Variants in STIM2 observed in about 807,000 individuals in gnomAD.
STIM2 encodes the protein stromal interaction molecule 2.
Under a neutral mutation model 85.8 loss-of-function variants are expected in STIM2, and 31 were observed. The ratio of observed to expected loss-of-function variants is 0.36; its 90% CI spans 0.27 to 0.49. The LOEUF (loss-of-function observed/expected upper bound fraction) is 0.49. STIM2 is among the 20% of genes least tolerant of loss of function. STIM2 has a pLI of 0.98. For missense variants in STIM2, 841 were observed against 927.6 expected, an observed-to-expected ratio of 0.91 and a Z score of 1.21; for synonymous variants, 356 against 331.1, an observed-to-expected ratio of 1.08 and a Z score of -0.82.
At chr4:26,919,934 C>A (rs1724735893) in intron 2 of STIM2, among the ~76,000 whole-genome samples, 1 of 152,144 alleles carries the variant, frequency 6.6e-6, no homozygotes, top group East Asian at 1.9e-4. Context: ...TTACAAACCA[C>A]TCCAAATGTA....
intron 3 of STIM2, among the ~76,000 whole-genome samples, chr4:26,967,504 A>T (rs1429508007): frequency 6.6e-6 from 1 of 152,222 alleles, no homozygotes; most frequent in East Asian, 1.9e-4. Context: ...GTAATATAGT[A>T]GGGCGCATAG....
intron 1 of STIM2, among the ~76,000 whole-genome samples, chr4:26,898,432 C>T (rs1486788953): frequency 6.6e-6 from 1 of 152,162 alleles, no homozygotes; most frequent in African/African-American, 2.4e-5. Context: ...ATTGTCAACT[C>T]CATTCCTCCA....
intron 11 of STIM2, chr4:27,021,658 A>G (rs1380686532): frequency 2.2e-6 from 1 of 456,682 alleles, no homozygotes; most frequent in South Asian, 1.5e-5. Flanking sequence ...AATCACTTTA[A>G]TGGCTGTGTA....
In STIM2 at chr4:26,994,641, T is replaced by C. The variant is rs577797627; in HGVS notation, c.398-738T>C. On this transcript the variant is annotated intron_variant, in intron 3 of 11. Coordinates refer to ENST00000467087, the MANE Select transcript of STIM2 (RefSeq NM_020860.4). ...CTTCTTTTTATTGAAATTAGAAAACTGTCCAGAGTTCTTGAAAGCCTTTCA... is the reference window on the plus strand; with the variant it reads ...CTTCTTTTTATTGAAATTAGAAAACCGTCCAGAGTTCTTGAAAGCCTTTCA... Among the ~76,000 whole-genome samples the C allele has an allele frequency of 9.2e-5, 14 of 152,262 alleles. 1 individual carries two copies. In the East Asian group the frequency reaches 2.7e-3, roughly 29 times the overall value.
At chr4:26,979,670 C>T (rs913577146) in intron 3 of STIM2, among the ~76,000 whole-genome samples, 1 of 152,052 alleles carries the variant, frequency 6.6e-6, no homozygotes, top group Admixed American at 6.5e-5. Context: ...CATATAAAGG[C>T]ATCCAGATAA....
rs147417071 is a variant in STIM2, at chr4:26,887,804, ATAAT to A, written c.151+26441_151+26444del. On this transcript the variant is annotated intron_variant, in intron 1 of 11. Coordinates refer to ENST00000467087, the MANE Select transcript of STIM2 (RefSeq NM_020860.4). The stretch of plus-strand genomic sequence containing the variant: ...AAAATACTCAAAGATGTAACTTAAA[ATAAT>A]TAATTGTTTTATACATGTATCTACA... 5.8e-3 allele frequency among the ~76,000 whole-genome samples: 887 copies of A among 152,328 alleles called. 18 individuals carry two copies. The highest frequency in any genetic ancestry group is 0.02 in the African/African-American group (850 of 41,562).
chr4:26,992,511 T>G (rs1485557958), intron 3 of STIM2, among the ~76,000 whole-genome samples: 1 of 151,886 alleles, frequency 6.6e-6, no homozygotes, highest in Non-Finnish European at 1.5e-5. Context: ...CTATGCAACA[T>G]AGCAAGACCC....
At chr4:27,014,625 G>T (rs1293351721) in intron 10 of STIM2, among the ~76,000 whole-genome samples, 1 of 151,624 alleles carries the variant, frequency 6.6e-6, no homozygotes, top group East Asian at 1.9e-4. Context: ...TATTTTAATG[G>T]TTCTGTCTAT....
chr4:26,866,840 G>A lies in STIM2; in HGVS notation c.151+5471G>A, dbSNP rs187056608. Among the ~76,000 whole-genome samples the A allele has an allele frequency of 2.7e-4, 41 of 152,266 alleles. 1 individual carries two copies. Among genetic ancestry groups the A allele is most frequent in the Admixed American group, 2.5e-3 (38 of 15,294 alleles). On this transcript the variant is annotated intron_variant, in intron 1 of 11. Coordinates refer to ENST00000467087, the MANE Select transcript of STIM2 (RefSeq NM_020860.4). ...TATTTGAAGGTTTCTAAATATGCAC[G>A]TTAGGGAAAATGTACATATATTTTA...
intron 2 of STIM2, among the ~76,000 whole-genome samples, chr4:26,935,026 G>T (rs1725344922): frequency 6.6e-6 from 1 of 150,706 alleles, no homozygotes; most frequent in Admixed American, 6.6e-5. Context: ...GATAAGGGAA[G>T]ACATGATTAA....
chr4:26,899,622 C>T (rs574948002), intron 1 of STIM2, among the ~76,000 whole-genome samples: 111 of 152,188 alleles, frequency 7.3e-4, no homozygotes, highest in South Asian at 7.0e-3. Context: ...TCTTTGATGA[C>T]AGAGCTGATA....
intron 2 of STIM2, among the ~76,000 whole-genome samples, chr4:26,933,227 A>AT (rs1231902459): frequency 6.6e-6 from 1 of 151,988 alleles, no homozygotes; most frequent in African/African-American, 2.4e-5. Context: ...GGAATTCTTC[A>AT]TTTTTTCATA....
chr4:27,016,297 C>G (rs189610004), intron 10 of STIM2, among the ~76,000 whole-genome samples: 1 of 152,244 alleles, frequency 6.6e-6, no homozygotes, highest in African/African-American at 2.4e-5. Context: ...TCAATTGTTA[C>G]AGCAGTTTCT....
chr4:26,873,934 G>A, intron 1 of STIM2: 1 of 1,351,208 alleles, frequency 7.4e-7, no homozygotes, highest in Non-Finnish European at 1.0e-6. Flanking sequence ...CAGACAGCTG[G>A]GTGCTCTTCT....
intron 1 of STIM2, among the ~76,000 whole-genome samples, chr4:26,891,569 AC>A: frequency 6.9e-6 from 1 of 143,982 alleles, no homozygotes; most frequent in African/African-American, 2.8e-5. Flanking sequence ...ACACACACAC[AC>A]ACACACACAC....
At chr4:26,879,116 T>A (rs1722913050) in intron 1 of STIM2, among the ~76,000 whole-genome samples, 1 of 152,016 alleles carries the variant, frequency 6.6e-6, no homozygotes, top group Non-Finnish European at 1.5e-5. Flanking sequence ...CTCATCAGCC[T>A]GTAAGTAGGC....
intron 1 of STIM2, among the ~76,000 whole-genome samples, chr4:26,890,069 C>T (rs1723407402): frequency 6.6e-6 from 1 of 152,134 alleles, no homozygotes; most frequent in African/African-American, 2.4e-5. Context: ...AGTGTGCTGC[C>T]CAAAGTTCTG....
chr4:26,915,020 C>CA (rs1256900729), intron 1 of STIM2, among the ~76,000 whole-genome samples: 1 of 152,128 alleles, frequency 6.6e-6, no homozygotes, highest in Non-Finnish European at 1.5e-5. Flanking sequence ...GTTATACTGA[C>CA]ACTTGAGCAT....
At position 27,023,092 on chromosome 4, in the gene STIM2, A is replaced by G. The variant is rs965986270; in HGVS notation, c.*96A>G. On this transcript the variant is annotated 3_prime_UTR_variant, in exon 12 of 12. Transcript: ENST00000467087. The stretch of plus-strand genomic sequence containing the variant: ...CCTTTTTTTTGGTTTAATTTTAGGA[A>G]TGTAACTCCATTGGGGCTTTCCAGG... The G allele has an allele frequency of 8.3e-6, 10 of 1,207,734 alleles. No individual in the cohort carries two copies. The highest frequency in any genetic ancestry group is 2.1e-5 in the Admixed American group (1 of 47,114). 74.8% of individuals were successfully genotyped at this position (1,207,734 alleles called of 1,614,324 possible).
Sources: gnomAD v4.1 joint callset for allele counts (sites outside exome capture counted in the v4.1 genomes callset) on GRCh38, gnomAD v4.1.1 for gene constraint, MANE v1.5 for transcripts, NCBI Gene and HGNC (gene_info 2026-07-23, HGNC 2026-07-21) for gene names.